Variants in POFUT4 observed in about 807,000 individuals in gnomAD.
POFUT4 encodes GDP-fucose protein O-fucosyltransferase 4.
the POFUT4 span, among the ~76,000 whole-genome samples, chr10:73,778,627 C>T: frequency 6.6e-6 from 1 of 152,014 alleles, no homozygotes; most frequent in African/African-American, 2.4e-5. Context: ...TATATATCTA[C>T]CTATATAGAT....
chr10:73,778,357 C>T, the POFUT4 span, among the ~76,000 whole-genome samples: 2 of 145,248 alleles, frequency 1.4e-5, no homozygotes, highest in South Asian at 2.2e-4. Flanking sequence ...CGCACCATTG[C>T]ACTCCAGCCT....
the POFUT4 span, chr10:73,773,046 G>A: frequency 6.4e-7 from 1 of 1,565,988 alleles, no homozygotes; most frequent in Non-Finnish European, 8.6e-7. Flanking sequence ...ATCCCGGTGA[G>A]TGAGGGCGGG....
the POFUT4 span, chr10:73,772,939 G>GTGGCGCCGCCGCGGCT: frequency 1.2e-6 from 2 of 1,607,974 alleles, no homozygotes; most frequent in African/African-American, 2.7e-5. Flanking sequence ...AACGCGCGGA[G>GTGGCGCCGCCGCGGCT]TGGCGCCGCC....
chr10:73,775,610 C>T, the POFUT4 span: 3 of 1,614,164 alleles, frequency 1.9e-6, no homozygotes, highest in East Asian at 2.2e-5. Context: ...CTGCCATGAT[C>T]CACAACAATG....
chr10:73,773,741 C>T, the POFUT4 span: 10 of 1,613,978 alleles, frequency 6.2e-6, no homozygotes, highest in Non-Finnish European at 8.5e-6. Flanking sequence ...CCCACATTGC[C>T]CAGCCCTCAC....
the POFUT4 span, among the ~76,000 whole-genome samples, chr10:73,776,717 T>G: frequency 6.6e-6 from 1 of 152,180 alleles, no homozygotes; most frequent in East Asian, 1.9e-4. Flanking sequence ...AGTCTTGCTT[T>G]GTCACCAGCT....
the POFUT4 span, chr10:73,772,603 G>T: frequency 3.8e-6 from 6 of 1,568,548 alleles, no homozygotes; most frequent in East Asian, 1.4e-4. Context: ...CCCACTTCCC[G>T]GGAGACTCGG....
the POFUT4 span, chr10:73,772,494 G>T: frequency 6.4e-7 from 1 of 1,557,778 alleles, no homozygotes. Flanking sequence ...TCGGCGCTGG[G>T]CGCAGTGGGG....
At chr10:73,773,708 C>T in the POFUT4 span, 1 of 1,614,240 alleles carries the variant, frequency 6.2e-7, no homozygotes, top group Non-Finnish European at 8.5e-7. Flanking sequence ...CGGCCTCTCC[C>T]GGGGACAGCC....
chr10:73,779,904 A>G, the POFUT4 span: 2 of 152,204 alleles, frequency 1.3e-5, no homozygotes, highest in African/African-American at 2.4e-5. Flanking sequence ...TGCTTTCCAG[A>G]CTTTCTCCTT....
the POFUT4 span, chr10:73,773,701 C>G: frequency 3.1e-6 from 5 of 1,614,136 alleles, no homozygotes; most frequent in African/African-American, 6.7e-5. Flanking sequence ...GCCCACGCGG[C>G]CTCTCCCGGG....
chr10:73,775,213 C>T, the POFUT4 span: 1 of 589,566 alleles, frequency 1.7e-6, no homozygotes. Context: ...GACCCCTGCC[C>T]CCTTGCTTTC....
chr10:73,773,349 AC>A, the POFUT4 span: 1 of 1,614,072 alleles, frequency 6.2e-7, no homozygotes, highest in Non-Finnish European at 8.5e-7. Context: ...CGACTACATG[AC>A]AGAAAAACTG....
chr10:73,772,424 G>A, the POFUT4 span: 3 of 1,570,780 alleles, frequency 1.9e-6, no homozygotes, highest in South Asian at 1.2e-5. Context: ...AGCGGAGAGG[G>A]AGGCCGGCGG....
the POFUT4 span, chr10:73,773,733 C>G: frequency 4.2e-5 from 67 of 1,614,026 alleles, no homozygotes; most frequent in Non-Finnish European, 5.6e-5. Context: ...CTTTGAGCCC[C>G]ACATTGCCCA....
chr10:73,772,825 C>T, the POFUT4 span: 3 of 1,612,276 alleles, frequency 1.9e-6, no homozygotes, highest in Non-Finnish European at 2.5e-6. Flanking sequence ...GCATCCGCCT[C>T]TTCAATCTTA....
the POFUT4 span, among the ~76,000 whole-genome samples, chr10:73,776,926 G>A: frequency 6.6e-6 from 1 of 152,146 alleles, no homozygotes. Context: ...TGATCCGCCC[G>A]CCTTGGCCTC....
chr10:73,774,100 G>A, the POFUT4 span: 1 of 356,132 alleles, frequency 2.8e-6, no homozygotes, highest in Middle Eastern at 7.6e-4. Flanking sequence ...TGTGCAGACA[G>A]GGGAGAGAGA....
the POFUT4 span, chr10:73,773,833 C>T: frequency 3.9e-6 from 6 of 1,532,122 alleles, no homozygotes; most frequent in Non-Finnish European, 5.2e-6. Flanking sequence ...TGCTGGGGTC[C>T]CCTGCAGCTA....
Sources: allele counts gnomAD v4.1 joint callset (sites outside exome capture counted in the v4.1 genomes callset), GRCh38; gene constraint gnomAD v4.1.1; transcripts MANE v1.5; gene names NCBI Gene and HGNC (gene_info 2026-07-23, HGNC 2026-07-21).